The following SMAD2 variants were observed in gnomAD, a reference collection of about 807,000 sequenced individuals.
SMAD2 encodes SMAD family member 2.
SMAD2 carries 8 observed loss-of-function variants against 64.4 expected under a neutral mutation model. The observed-to-expected ratio is 0.12, with a 90% CI of 0.07 to 0.22. SMAD2 has a LOEUF of 0.22. SMAD2 is among the 10% of genes least tolerant of loss of function. SMAD2 has a pLI of 1.00. For synonymous variants in SMAD2, 203 were observed against 195.8 expected (o/e 1.04, Z -0.31); for missense variants, 289 against 561.2 (o/e 0.51, Z 4.90).
intron 1 of SMAD2, among the ~76,000 whole-genome samples, chr18:47,904,705 G>A (rs1280872553): frequency 6.6e-6 from 1 of 152,048 alleles, no homozygotes; most frequent in Non-Finnish European, 1.5e-5. Context: ...TTATCCCAAG[G>A]AGCAAAATTG....
intron 1 of SMAD2, among the ~76,000 whole-genome samples, chr18:47,909,971 A>T (rs914595408): frequency 6.6e-6 from 1 of 152,144 alleles, no homozygotes; most frequent in African/African-American, 2.4e-5. Context: ...AATGTTACAA[A>T]AAAGAACTCT....
At chr18:47,917,653 T>TA (rs1231292764) in intron 1 of SMAD2, among the ~76,000 whole-genome samples, 2 of 152,164 alleles carry the variant, frequency 1.3e-5, no homozygotes, top group South Asian at 2.1e-4. Context: ...GAGTTATTGG[T>TA]AAAAAAATTT....
intron 1 of SMAD2, among the ~76,000 whole-genome samples, chr18:47,901,911 G>GTT (rs1337272820): frequency 6.6e-6 from 1 of 152,210 alleles, no homozygotes; most frequent in Non-Finnish European, 1.5e-5. Flanking sequence ...GAAACTGGGT[G>GTT]TGTTGAAAAT....
At position 47,872,436 on chromosome 18, in the gene SMAD2, AT is replaced by A. The variant is rs552185222; in HGVS notation, c.237-1873del. 4.4e-3 allele frequency among the ~76,000 whole-genome samples: 664 copies of A among 152,352 alleles called. 3 individuals carry two copies. Among genetic ancestry groups the A allele is most frequent in the Middle Eastern group, 0.017 (5 of 294 alleles). ...AACTAAAAAATACAACAATTGAAAAATACAAAATTTAAAAACAATATGGTAT... is the reference window on the plus strand; with the variant it reads ...AACTAAAAAATACAACAATTGAAAAAACAAAATTTAAAAACAATATGGTAT... On this transcript the variant is annotated intron_variant, in intron 2 of 10. Transcript: ENST00000262160.
chr18:47,884,780 C>T (rs920491933), intron 2 of SMAD2, among the ~76,000 whole-genome samples: 1 of 152,148 alleles, frequency 6.6e-6, no homozygotes, highest in Non-Finnish European at 1.5e-5. Context: ...AAAATTGACA[C>T]TTCTACTCAT....
rs572710554 is a variant in SMAD2, at chr18:47,819,792, T to C, written c.*22035A>G. 1 of 38,366 alleles carries C rather than the reference T, an allele frequency of 2.6e-5. No homozygotes were observed. Among genetic ancestry groups the C allele is most frequent in the Non-Finnish European group, 6.4e-5 (1 of 15,724 alleles). The allele number at this position is 38,366 out of a possible 1,614,324, so 2.4% of individuals were successfully genotyped here. On this transcript the variant is annotated 3_prime_UTR_variant, in exon 11 of 11. Transcript: ENST00000262160. Reference sequence around the variant, plus strand: ...GCCTGGGTGACAGAGCGAGACTCCGTCTCAAAAAAAAAAAAAAAAAAAAGA... The same window carrying C: ...GCCTGGGTGACAGAGCGAGACTCCGCCTCAAAAAAAAAAAAAAAAAAAAGA...
intron 8 of SMAD2, among the ~76,000 whole-genome samples, chr18:47,847,700 C>CAAA (rs58794971): frequency 0.027 from 2,969 of 111,296 alleles, 242 homozygotes; most frequent in Admixed American, 0.092. Context: ...ATTTCCAAAG[C>CAAA]AAAAAAAAAA....
chr18:47,919,434 G>C (rs1403780481), intron 1 of SMAD2, among the ~76,000 whole-genome samples: 1 of 125,482 alleles, frequency 8.0e-6, no homozygotes, highest in Non-Finnish European at 1.8e-5. Context: ...ACTCCAACTA[G>C]ACAACAGAGT....
At chr18:47,867,414 GAAAT>G in intron 5 of SMAD2, 1 of 151,788 alleles carries the variant, frequency 6.6e-6, no homozygotes, top group Non-Finnish European at 1.5e-5. Context: ...ATACATGAAA[GAAAT>G]AATTGTTTAA....
rs766210096 is a variant in SMAD2, at chr18:47,848,733, G to C, written c.785-46C>G. The stretch of plus-strand genomic sequence containing the variant: ...AAAATAATAAAAGGAAGAAATGCGT[G>C]AACAATTCAAGCCAAAAATAGATTT... On this transcript the variant is annotated intron_variant, in intron 7 of 10. Transcript: ENST00000262160. 4 of 1,345,658 alleles carry C rather than the reference G, an allele frequency of 3.0e-6. No individual in the cohort carries two copies. In the Admixed American group the frequency reaches 7.3e-5, roughly 25 times the overall value. The allele number at this position is 1,345,658 out of a possible 1,614,324, so 83.4% of individuals were successfully genotyped here.
chr18:47,908,961 A>T (rs1598878489), intron 1 of SMAD2, among the ~76,000 whole-genome samples: 1 of 152,312 alleles, frequency 6.6e-6, no homozygotes, highest in East Asian at 1.9e-4. Flanking sequence ...AAAAATCATG[A>T]CATTACAAGA....
intron 2 of SMAD2, among the ~76,000 whole-genome samples, chr18:47,886,532 T>C (rs1244239816): frequency 6.6e-6 from 1 of 152,034 alleles, no homozygotes; most frequent in African/African-American, 2.4e-5. Context: ...AACCCCGTTG[T>C]CCTAGCAAAT....
chr18:47,852,240 T>A (rs1792653), intron 6 of SMAD2, among the ~76,000 whole-genome samples: 87,114 of 151,956 alleles, frequency 0.57, 25,357 homozygotes, highest in East Asian at 0.82. Context: ...CATTGGTCTT[T>A]TGACTCTTAA....
At chr18:47,893,789 TAA>T (rs1327300446) in intron 2 of SMAD2, among the ~76,000 whole-genome samples, 2 of 152,122 alleles carry the variant, frequency 1.3e-5, no homozygotes, top group Admixed American at 1.3e-4. Context: ...CTACAGTGTG[TAA>T]AAAGTTAAAA....
chr18:47,863,591 C>A lies in SMAD2; in HGVS notation c.730+1468G>T, dbSNP rs1430134378. On this transcript the variant is annotated intron_variant, in intron 6 of 10. Transcript: ENST00000262160. Reference sequence around the variant, plus strand: ...CTTATTTCACTTAACATACTGCTTTCAAGGTCCATCCATGTTGCCACACGT... The same window carrying A: ...CTTATTTCACTTAACATACTGCTTTAAAGGTCCATCCATGTTGCCACACGT... 3.3e-5 allele frequency among the ~76,000 whole-genome samples: 5 copies of A among 152,114 alleles called. No homozygotes were observed. In the South Asian group the frequency reaches 1.0e-3, roughly 32 times the overall value.
Position 47,843,373 on chromosome 18 carries a change from G to T in SMAD2, c.1281-1423C>A, listed in dbSNP as rs774421819. Among the ~76,000 whole-genome samples, 65 of 152,222 alleles carry T rather than the reference G, an allele frequency of 4.3e-4. 1 individual carries two copies. Among genetic ancestry groups the T allele is most frequent in the Non-Finnish European group, 2.4e-4 (16 of 68,010 alleles). Reference sequence around the variant, plus strand: ...GGTAGATGGCTTAACAATGGTCCTGGCTGCCCTGTTCTCCCCTGTCCCACT... The same window carrying T: ...GGTAGATGGCTTAACAATGGTCCTGTCTGCCCTGTTCTCCCCTGTCCCACT... On this transcript the variant is annotated intron_variant, in intron 10 of 10. Transcript: ENST00000262160.
rs998783154 is a variant in SMAD2 at position 47,833,437 on chromosome 18, G to C, written c.*8390C>G. On this transcript the variant is annotated 3_prime_UTR_variant, in exon 11 of 11. Transcript: ENST00000262160. ...AAAAAAGGAACCACATCGTACTTTT[G>C]ACAATCATAGAACGAAAGCTCACAA... is the stretch of plus-strand genomic sequence containing the variant. 4.4e-6 allele frequency: 1 copy of C among 227,454 alleles called. No homozygotes were observed. The highest frequency in any genetic ancestry group is 2.2e-5 in the African/African-American group (1 of 44,968). 14.1% of individuals were successfully genotyped at this position (227,454 alleles called of 1,614,324 possible). A position where few individuals can be genotyped will look rare whatever the true frequency, so the allele number is the denominator to read the frequency against.
intron 2 of SMAD2, among the ~76,000 whole-genome samples, chr18:47,884,926 GC>G (rs1032074740): frequency 2.0e-5 from 3 of 151,958 alleles, no homozygotes; most frequent in African/African-American, 4.8e-5. Context: ...TATTTCTGCT[GC>G]CCCTGAAAAA....
At position 47,841,121 on chromosome 18, in the gene SMAD2, T is replaced by G. The variant is rs146435557; in HGVS notation, c.*706A>C. 1,138 of 231,476 alleles carry G rather than the reference T, an allele frequency of 4.9e-3. 11 individuals are homozygous for G. Among genetic ancestry groups the G allele is most frequent in the African/African-American group, 0.023 (1,026 of 44,904 alleles). The allele number at this position is 231,476 out of a possible 1,614,324, so 14.3% of individuals were successfully genotyped here. On this transcript the variant is annotated 3_prime_UTR_variant, in exon 11 of 11. Coordinates refer to ENST00000262160, the MANE Select transcript of SMAD2 (RefSeq NM_005901.6). ...GGCTTGGAAAGGTTTTCAGTATGGT[T>G]TCCTTATAATAAGATTTAGCAGTTA...
Sources: gnomAD v4.1 joint callset for allele counts (sites outside exome capture counted in the v4.1 genomes callset) on GRCh38, gnomAD v4.1.1 for gene constraint, MANE v1.5 for transcripts, NCBI Gene and HGNC (gene_info 2026-07-23, HGNC 2026-07-21) for gene names.